Variants in MCCC2 observed in about 807,000 individuals in gnomAD.
MCCC2 encodes the protein methylcrotonoyl-CoA carboxylase beta chain, mitochondrial.
Under a neutral mutation model 77.2 loss-of-function variants are expected in MCCC2, and 52 were observed. The observed-to-expected ratio is 0.67, with a 90% CI of 0.54 to 0.85. The LOEUF is 0.85. Ranked by LOEUF, MCCC2 falls within the 40% of genes least tolerant of loss-of-function variation. The pLI is 0.00. For synonymous variants in MCCC2, 253 were observed against 248.4 expected (o/e 1.02, Z -0.18); for missense variants, 682 against 703.2 (o/e 0.97, Z 0.34).
Position 71,587,639 on chromosome 5 carries a change from C to CT in MCCC2, c.129+86dup. On this transcript the variant is annotated intron_variant, in intron 1 of 16. Coordinates refer to ENST00000340941, the MANE Select transcript of MCCC2 (RefSeq NM_022132.5). ...GGGGCACGCTTCAACAACTGCTGCT[C>CT]TCTTGTCCGGAGCCCCAGTTGATTC... is the stretch of plus-strand genomic sequence containing the variant. 3 of 1,485,206 alleles carry CT rather than the reference C, an allele frequency of 2.0e-6. No homozygotes were observed. The South Asian group carries it at 3.6e-5, about 18-fold the overall frequency. 92.0% of individuals were successfully genotyped at this position (1,485,206 alleles called of 1,614,324 possible).
chr5:71,602,665 A>C (rs1040011171), intron 5 of MCCC2, 32 bp downstream of exon 5: 2 of 1,614,134 alleles, frequency 1.2e-6, no homozygotes, highest in South Asian at 1.1e-5. Context: ...ATAAACTATT[A>C]TTAGCTGGTA....
chr5:71,624,693 CTTTTTTTT>C (rs36140678), intron 6 of MCCC2, among the ~76,000 whole-genome samples: 1 of 101,894 alleles, frequency 9.8e-6, no homozygotes, highest in Non-Finnish European at 1.9e-5. Context: ...TTCTTTCTTT[CTTTTTTTT>C]TTTTTTTTTT....
In MCCC2 at chr5:71,638,560, G is replaced by A. The variant is rs141288546; in HGVS notation, c.1000-2443G>A. On this transcript the variant is annotated intron_variant, in intron 10 of 16. Coordinates refer to ENST00000340941, the MANE Select transcript of MCCC2 (RefSeq NM_022132.5). Reference sequence around the variant, plus strand: ...TTTTGAGACGGAGTCTCGCTCTGTCGCCCAGGCTGGAATGCAGTGGCGCAA... The same window carrying A: ...TTTTGAGACGGAGTCTCGCTCTGTCACCCAGGCTGGAATGCAGTGGCGCAA... 2.5e-3 allele frequency among the ~76,000 whole-genome samples: 384 copies of A among 151,926 alleles called. 3 individuals are homozygous for A. The highest frequency in any genetic ancestry group is 8.7e-3 in the African/African-American group (359 of 41,458).
chr5:71,644,762 T>C (rs1223682838), intron 12 of MCCC2, among the ~76,000 whole-genome samples: 1 of 152,166 alleles, frequency 6.6e-6, no homozygotes, highest in African/African-American at 2.4e-5. Context: ...AGTTAAGCTC[T>C]TTCATACCCT....
chr5:71,609,003 T>G (rs1417245747), intron 6 of MCCC2, among the ~76,000 whole-genome samples: 1 of 152,028 alleles, frequency 6.6e-6, no homozygotes, highest in Non-Finnish European at 1.5e-5. Context: ...CCTTAACATT[T>G]TTTCCTTCAT....
At chr5:71,589,592 A>G (rs1374792317) in intron 1 of MCCC2, among the ~76,000 whole-genome samples, 2 of 152,258 alleles carry the variant, frequency 1.3e-5, no homozygotes, top group South Asian at 2.1e-4. Flanking sequence ...GTGTGCTCAC[A>G]TTAGACAAAG....
intron 10 of MCCC2, chr5:71,635,673 C>A: frequency 3.1e-6 from 1 of 317,666 alleles, no homozygotes; most frequent in Non-Finnish European, 6.1e-6. Flanking sequence ...ATGATTAGAC[C>A]TGATTACAGT....
intron 6 of MCCC2, among the ~76,000 whole-genome samples, chr5:71,609,640 T>C (rs1391194215): frequency 2.0e-5 from 3 of 151,160 alleles, no homozygotes; most frequent in Non-Finnish European, 4.4e-5. Context: ...GGAGGAGAGG[T>C]GCTCTGCGTT....
At chr5:71,620,981 TC>T (rs1746331030) in intron 6 of MCCC2, among the ~76,000 whole-genome samples, 1 of 152,158 alleles carries the variant, frequency 6.6e-6, no homozygotes, top group African/African-American at 2.4e-5. Flanking sequence ...CAGATGCAGG[TC>T]CCTGTGATGT....
chr5:71,598,566 A>T, intron 3 of MCCC2, among the ~76,000 whole-genome samples: 1 of 148,496 alleles, frequency 6.7e-6, no homozygotes. Flanking sequence ...CAGCCTCCCG[A>T]GTAGCTGGGA....
chr5:71,588,917 A>C (rs2112257781), intron 1 of MCCC2, among the ~76,000 whole-genome samples: 1 of 152,322 alleles, frequency 6.6e-6, no homozygotes, highest in East Asian at 1.9e-4. Context: ...AGCCACATTT[A>C]GATTCCATTT....
intron 15 of MCCC2, 125 bp from the exon 16 acceptor site, chr5:71,652,544 C>A: frequency 1.3e-6 from 1 of 772,024 alleles, no homozygotes; most frequent in Non-Finnish European, 2.3e-6. Context: ...ATTTATACAT[C>A]ACTATGCACA....
rs1200111967 is a variant in MCCC2, at chr5:71,656,836, T to C, written c.1668T>C (p.Thr556=). 7 of 1,613,938 alleles carry C rather than the reference T, an allele frequency of 4.3e-6. No homozygotes were observed. Among genetic ancestry groups the C allele is most frequent in the Non-Finnish European group, 5.9e-6 (7 of 1,179,782 alleles). Residue 556 remains threonine (T), a synonymous_variant, in exon 17 of 17, where the codon ACT becomes ACC. Coordinates refer to ENST00000340941, the MANE Select transcript of MCCC2 (RefSeq NM_022132.5). ...SAALNAPIEK[T]DFGIFRM ...CCCTCAACGCACCAATAGAGAAGAC[T>C]GACTTCGGTATCTTCAGGATGTAAC...
intron 6 of MCCC2, among the ~76,000 whole-genome samples, chr5:71,619,485 G>A (rs1746290649): frequency 1.3e-5 from 2 of 152,134 alleles, no homozygotes; most frequent in South Asian, 4.1e-4. Context: ...TCATACTTCT[G>A]GGCTCAGGGA....
At position 71,626,659 on chromosome 5, in the gene MCCC2, C is replaced by T. The variant is rs762990100; in HGVS notation, c.644C>T (p.Ser215Phe). The T allele has an allele frequency of 6.2e-7, 1 of 1,614,006 alleles. No homozygotes were observed. The highest frequency in any genetic ancestry group is 8.5e-7 in the Non-Finnish European group (1 of 1,179,994). ...TTCCAGATCGCAGTGGTCATGGGCT[C>T]CTGCACCGCAGGAGGAGCCTATGTG... ...NIAQIAVVMG[S>F]CTAGGAYVPA... Residue 215 changes from serine (S) to phenylalanine (F), a missense_variant, in exon 7 of 17, where the codon TCC becomes TTC. Ser to Phe is a radical substitution (Grantham distance 155, BLOSUM62 -2). Coordinates refer to ENST00000340941, the MANE Select transcript of MCCC2 (RefSeq NM_022132.5).
intron 11 of MCCC2, among the ~76,000 whole-genome samples, chr5:71,641,998 A>T (rs1169511942): frequency 1.3e-5 from 2 of 152,212 alleles, no homozygotes; most frequent in Admixed American, 6.5e-5. Flanking sequence ...TTCAGAATGT[A>T]ACAGTCATTG....
intron 6 of MCCC2, among the ~76,000 whole-genome samples, chr5:71,605,755 A>G (rs1197087339): frequency 1.3e-5 from 2 of 152,012 alleles, no homozygotes; most frequent in African/African-American, 4.8e-5. Flanking sequence ...TGATTTTTGT[A>G]TAAGGTGTAA....
At chr5:71,619,970 G>A (rs1398768363) in intron 6 of MCCC2, among the ~76,000 whole-genome samples, 5 of 150,832 alleles carry the variant, frequency 3.3e-5, no homozygotes, top group African/African-American at 7.3e-5. Context: ...CAGCCTGGGC[G>A]ACAGAGTGAG....
intron 1 of MCCC2, among the ~76,000 whole-genome samples, chr5:71,590,999 C>G (rs148750537): frequency 8.0e-4 from 122 of 152,292 alleles, no homozygotes; most frequent in Middle Eastern, 3.4e-3. Context: ...CCAACTGGTT[C>G]TTTCCCTAAT....
Sources: gnomAD v4.1 joint callset for allele counts (sites outside exome capture counted in the v4.1 genomes callset) on GRCh38, gnomAD v4.1.1 for gene constraint, MANE v1.5 for transcripts, NCBI Gene and HGNC (gene_info 2026-07-23, HGNC 2026-07-21) for gene names.